The following DAB1 variants were observed in gnomAD, a reference collection of about 807,000 sequenced individuals.
The protein encoded by DAB1 is DAB adaptor protein 1, also known as disabled homolog 1.
A neutral mutation model predicts 64.6 loss-of-function variants in DAB1; 15 were observed. The observed-to-expected ratio is 0.23, with a 90% CI of 0.16 to 0.36. The LOEUF is 0.36. DAB1 is among the 10% of genes least tolerant of loss of function. The probability of loss-of-function intolerance (pLI) is 1.00; values close to 1 mark genes in which losing one functional copy is unlikely to be tolerated. For synonymous variants in DAB1, 235 were observed against 251.9 expected (o/e 0.93, Z 0.64); for missense variants, 596 against 706.7 (o/e 0.84, Z 1.78).
chr1:58,124,205 TATAC>T (rs1325994487), intron 5 of DAB1, among the ~76,000 whole-genome samples: 14 of 151,244 alleles, frequency 9.3e-5, no homozygotes, highest in African/African-American at 3.2e-4. Context: ...TATATATATA[TATAC>T]ACACACACAT....
chr1:57,741,270 T>A (rs1244975989), intron 6 of DAB1, among the ~76,000 whole-genome samples: 1 of 152,210 alleles, frequency 6.6e-6, no homozygotes, highest in African/African-American at 2.4e-5. Flanking sequence ...ATATCAATTA[T>A]TAATATTAAC....
At chr1:57,817,334 T>C (rs188375189) in intron 6 of DAB1, among the ~76,000 whole-genome samples, 12 of 152,296 alleles carry the variant, frequency 7.9e-5, no homozygotes, top group African/African-American at 2.6e-4. Context: ...AGGAAGAAGA[T>C]GGTCTTTGAA....
chr1:57,288,715 T>C (rs956058018), intron 2 of DAB1, among the ~76,000 whole-genome samples: 1 of 147,292 alleles, frequency 6.8e-6, no homozygotes. Context: ...AGATGAATGA[T>C]GAAGGAAGAG....
At chr1:57,470,637 G>A (rs892672120) in intron 7 of DAB1, among the ~76,000 whole-genome samples, 8 of 152,122 alleles carry the variant, frequency 5.3e-5, no homozygotes, top group African/African-American at 1.4e-4. Context: ...CTATTCCCAG[G>A]TGGCCTAATT....
Position 57,326,885 on chromosome 1 carries a change from T to C in DAB1, c.-136-35719A>G, listed in dbSNP as rs188056397. Among the ~76,000 whole-genome samples the C allele has an allele frequency of 3.9e-3, 587 of 152,126 alleles. 3 individuals carry two copies. The highest frequency in any genetic ancestry group is 0.014 in the African/African-American group (572 of 41,506). ...GGGCTTCAACACAGGAATCTAGGGG[T>C]ACACAAACCCACAGTGCTGTTCAGT... On this transcript the variant is annotated intron_variant, in intron 1 of 14. Transcript: ENST00000371236.
At chr1:58,232,793 A>G (rs758082900) in intron 4 of DAB1, among the ~76,000 whole-genome samples, 1 of 152,160 alleles carries the variant, frequency 6.6e-6, no homozygotes, top group African/African-American at 2.4e-5. Flanking sequence ...CAGCAAGAAC[A>G]AAGGCTCTGT....
At chr1:58,312,686 A>T (rs922305248) in intron 4 of DAB1, among the ~76,000 whole-genome samples, 1 of 152,192 alleles carries the variant, frequency 6.6e-6, no homozygotes, top group African/African-American at 2.4e-5. Flanking sequence ...CAAGCTCAGT[A>T]TGTGGAAATG....
At chr1:57,811,728 C>G in intron 6 of DAB1, among the ~76,000 whole-genome samples, 1 of 152,170 alleles carries the variant, frequency 6.6e-6, no homozygotes, top group East Asian at 1.9e-4. Flanking sequence ...CTGCTCCATC[C>G]CTAGTGCTCC....
At chr1:58,329,046 T>C (rs1473022297) in intron 4 of DAB1, among the ~76,000 whole-genome samples, 1 of 152,258 alleles carries the variant, frequency 6.6e-6, no homozygotes, top group Non-Finnish European at 1.5e-5. Flanking sequence ...CTATTGTTTC[T>C]TCTATTAATC....
chr1:57,519,385 T>C (rs1644499346), intron 7 of DAB1, among the ~76,000 whole-genome samples: 1 of 152,182 alleles, frequency 6.6e-6, no homozygotes, highest in Non-Finnish European at 1.5e-5. Flanking sequence ...CTGCCACCAC[T>C]GTGCTGCTGC....
intron 5 of DAB1, among the ~76,000 whole-genome samples, chr1:57,999,915 AAAG>A (rs771377194): frequency 6.6e-6 from 1 of 151,560 alleles, no homozygotes; most frequent in Non-Finnish European, 1.5e-5. Context: ...TAAAGGAAGA[AAAG>A]AAGGAAAAGA....
rs185406615 is a variant in DAB1 at position 57,694,068 on chromosome 1, T to C, written n.552-44403A>G. Reference sequence around the variant, plus strand: ...CCTGGAGAGTTTCCCCAGTGTTTTCTTGTAGTAGTTTCAAAAGTCTTTAAT... The same window carrying C: ...CCTGGAGAGTTTCCCCAGTGTTTTCCTGTAGTAGTTTCAAAAGTCTTTAAT... On this transcript the variant is annotated intron_variant and non_coding_transcript_variant, in intron 6 of 20. Coordinates refer to the DAB1 transcript ENST00000485760. 9.8e-5 allele frequency among the ~76,000 whole-genome samples: 15 copies of C among 152,346 alleles called. No homozygotes were observed. The East Asian group carries it at 2.1e-3, about 22-fold the overall frequency.
intron 1 of DAB1, among the ~76,000 whole-genome samples, chr1:57,843,717 C>T (rs183478326): frequency 6.6e-6 from 1 of 152,146 alleles, no homozygotes; most frequent in African/African-American, 2.4e-5. Flanking sequence ...ATGAATTACC[C>T]TGGCTTTCCC....
intron 4 of DAB1, among the ~76,000 whole-genome samples, chr1:57,127,902 C>G (rs1657280436): frequency 6.6e-6 from 1 of 152,268 alleles, no homozygotes; most frequent in South Asian, 2.1e-4. Context: ...AATCCCAGCA[C>G]TTTGGGAGGC....
chr1:57,149,438 C>G (rs376575669), intron 2 of DAB1, among the ~76,000 whole-genome samples: 44 of 152,286 alleles, frequency 2.9e-4, no homozygotes, highest in African/African-American at 1.0e-3. Context: ...CATTTTACAA[C>G]CCTCCTAGCA....
chr1:57,885,903 G>A (rs1015223849), upstream of DAB1, among the ~76,000 whole-genome samples: 1 of 152,062 alleles, frequency 6.6e-6, no homozygotes, highest in Non-Finnish European at 1.5e-5. Flanking sequence ...AATATAAACA[G>A]TACCAGTCAC....
At chr1:57,039,447 A>T (rs894832050) in intron 9 of DAB1, among the ~76,000 whole-genome samples, 2 of 152,082 alleles carry the variant, frequency 1.3e-5, no homozygotes, top group Non-Finnish European at 2.9e-5. Context: ...AATTTGGGTG[A>T]TATTAGTTTA....
At chr1:57,642,586 T>C (rs1646143345) in intron 7 of DAB1, among the ~76,000 whole-genome samples, 1 of 152,186 alleles carries the variant, frequency 6.6e-6, no homozygotes, top group South Asian at 2.1e-4. Context: ...TTGGATCAAA[T>C]TCATTTTCTC....
At chr1:57,139,806 A>G (rs983503662) in intron 3 of DAB1, among the ~76,000 whole-genome samples, 2 of 152,194 alleles carry the variant, frequency 1.3e-5, no homozygotes, top group Non-Finnish European at 2.9e-5. Flanking sequence ...CCCTGGTAGA[A>G]TATGGCTGTA....
Sources: gnomAD v4.1 joint callset for allele counts (sites outside exome capture counted in the v4.1 genomes callset) on GRCh38, gnomAD v4.1.1 for gene constraint, MANE v1.5 for transcripts, NCBI Gene and HGNC (gene_info 2026-07-23, HGNC 2026-07-21) for gene names.